The following KAZALD1 variants were observed in gnomAD, a reference collection of about 807,000 sequenced individuals.
KAZALD1 encodes Kazal type serine peptidase inhibitor domain 1.
Under a neutral mutation model 27.7 loss-of-function variants are expected in KAZALD1, and 31 were observed. That is an observed-to-expected ratio of 1.12 (90% CI 0.84 to 1.51). The LOEUF is 1.51. Ranked by LOEUF, KAZALD1 falls within the 40% of genes most tolerant of loss-of-function variation. KAZALD1 has a pLI of 0.00. For missense variants in KAZALD1, 444 were observed against 408.9 expected, an observed-to-expected ratio of 1.09 and a Z score of -0.74; for synonymous variants, 179 against 182.0, an observed-to-expected ratio of 0.98 and a Z score of 0.13.
rs752131273 is a variant in KAZALD1, at chr10:101,064,638, G to A, written c.810G>A (p.Val270=). 1.9e-6 allele frequency: 3 copies of A among 1,613,506 alleles called. No individual in the cohort carries two copies. The highest frequency in any genetic ancestry group is 2.5e-6 in the Non-Finnish European group (3 of 1,180,052). ...TGGAGGCCCCTGCTAGCTTGACAGT[G>A]CTCACACCTGGTAAGGGGATTCCTG... The part of the protein sequence containing the change: ...GQVEAPASLT[V]LTPDQLNSTG... Residue 270 remains valine, a synonymous_variant, in exon 4 of 5, where the codon GTG becomes GTA. Coordinates refer to ENST00000370200, the MANE Select transcript of KAZALD1 (RefSeq NM_030929.5).
chr10:101,063,075 T>C lies in KAZALD1; in HGVS notation c.483T>C (p.Thr161=). The change falls in exon 2 of 5, where the codon ACT becomes ACC. Residue 161 remains threonine, a synonymous_variant. Coordinates refer to ENST00000370200, the MANE Select transcript of KAZALD1 (RefSeq NM_030929.5). ...GCGCTCGGCCCGATGCCAACCTCAC[T>C]GTGGCACACCCGGGGCCCTGCGAAT... ...AARARPDANL[T]VAHPGPCESG... is the part of the protein sequence containing the mutation. 6.4e-7 allele frequency: 1 copy of C among 1,570,876 alleles called. No homozygotes were observed. Among genetic ancestry groups the C allele is most frequent in the Non-Finnish European group, 8.6e-7 (1 of 1,160,772 alleles).
rs369377387 is a variant in KAZALD1, at chr10:101,064,257, C to T, written c.512-4C>T. On this transcript the variant is annotated splice_region_variant and splice_polypyrimidine_tract_variant and intron_variant, in intron 2 of 4. Coordinates refer to ENST00000370200, the MANE Select transcript of KAZALD1 (RefSeq NM_030929.5). ...ATTCTCAGACCTCCCGCCTTCACCC[C>T]CAGGGCCCCAGATCGTGTCACATCC... 11 of 1,614,002 alleles carry T rather than the reference C, an allele frequency of 6.8e-6. No individual in the cohort carries two copies. The highest frequency in any genetic ancestry group is 1.1e-5 in the South Asian group (1 of 91,082).
chr10:101,062,798 C>T lies in KAZALD1; in HGVS notation c.206C>T (p.Ala69Val). The T allele has an allele frequency of 6.4e-7, 1 of 1,573,090 alleles. No individual in the cohort carries two copies. The highest frequency in any genetic ancestry group is 1.1e-5 in the South Asian group (1 of 87,680). The change falls in exon 2 of 5, where the codon GCG (alanine) becomes GTG (valine). Residue 69 changes from alanine to valine, a missense_variant. Physicochemically the swap from Ala to Val is moderately conservative, Grantham distance 64. Transcript: ENST00000370200. ...EECAAPRGCLAGRVRDACGCC... is the reference protein window; with the variant it reads ...EECAAPRGCLVGRVRDACGCC... ...TGCGCCGCGCCGCGGGGCTGCCTGGCGGGCAGGGTGCGCGACGCGTGCGGC... is the reference window on the plus strand; with the variant it reads ...TGCGCCGCGCCGCGGGGCTGCCTGGTGGGCAGGGTGCGCGACGCGTGCGGC...
chr10:101,066,381 G>A lies in KAZALD1; in HGVS notation c.*1461G>A, dbSNP rs756597269. ...GCTTGGCCGCCCCTCCCGCGGCTAC[G>A]CACTACTCCATCTACTGCTGGCTTG... On this transcript the variant is annotated 3_prime_UTR_variant, in exon 5 of 5. Coordinates refer to ENST00000370200, the MANE Select transcript of KAZALD1 (RefSeq NM_030929.5). 5 of 456,534 alleles carry A rather than the reference G, an allele frequency of 1.1e-5. No homozygotes were observed. Among genetic ancestry groups the A allele is most frequent in the South Asian group, 7.7e-5 (5 of 64,540 alleles). The allele number at this position is 456,534 out of a possible 1,614,324, so 28.3% of individuals were successfully genotyped here. A position where few individuals can be genotyped will look rare whatever the true frequency, so the allele number is the denominator to read the frequency against.
At chr10:101,063,249 G>A (rs1413293777) in intron 2 of KAZALD1, 146 bp downstream of exon 2, 5 of 672,254 alleles carry the variant, frequency 7.4e-6, no homozygotes, top group South Asian at 2.6e-5. Context: ...CCCTGCTCTC[G>A]CTACTGGTTC....
chr10:101,064,359 G>A lies in KAZALD1; in HGVS notation c.610G>A (p.Glu204Lys), dbSNP rs780808613. 9 of 1,614,170 alleles carry A rather than the reference G, an allele frequency of 5.6e-6. No individual in the cohort carries two copies. The highest frequency in any genetic ancestry group is 1.1e-5 in the South Asian group (1 of 91,086). Residue 204 changes from glutamate (E) to lysine (K), a missense_variant, in exon 3 of 5, where the codon GAG (glutamate) becomes AAG (lysine). Glu to Lys is a moderately conservative substitution (Grantham distance 56). Coordinates refer to ENST00000370200, the MANE Select transcript of KAZALD1 (RefSeq NM_030929.5). ...EVFAYPMASIEWRKDGLDIQL... is the reference protein window; with the variant it reads ...EVFAYPMASIKWRKDGLDIQL... ...GTTTGCCTACCCCATGGCCTCCATC[G>A]AGTGGAGGAAGGATGGCTTGGACAT...
In KAZALD1 at chr10:101,062,756, C is replaced by T. The variant is rs898863410; in HGVS notation, c.164C>T (p.Pro55Leu). 6.5e-6 allele frequency: 10 copies of T among 1,547,630 alleles called. No homozygotes were observed. The African/African-American group carries it at 1.3e-4, about 20-fold the overall frequency. Residue 55 changes from proline to leucine, a missense_variant, in exon 2 of 5, where the codon CCC (proline) becomes CTC (leucine). By Grantham distance (98) the Pro-to-Leu change is moderately conservative. Transcript: ENST00000370200. ...RLLAEGEGCA[P>L]CRPEECAAPR... ...CTAGCGGAGGGCGAGGGCTGCGCTCCCTGCCGGCCAGAAGAGTGCGCCGCG... is the reference window on the plus strand; with the variant it reads ...CTAGCGGAGGGCGAGGGCTGCGCTCTCTGCCGGCCAGAAGAGTGCGCCGCG...
chr10:101,068,029 G>A (rs1188889321), downstream of KAZALD1: 6 of 471,836 alleles, frequency 1.3e-5, no homozygotes, highest in South Asian at 9.3e-5. Context: ...GCGAAGGAGT[G>A]CCATCTGGTG....
At position 101,064,391 on chromosome 10, in the gene KAZALD1, G is replaced by T. The variant is rs774989831; in HGVS notation, c.642G>T (p.Leu214=). The T allele has an allele frequency of 3.1e-6, 5 of 1,614,074 alleles. No individual in the cohort carries two copies. In the East Asian group the frequency reaches 1.1e-4, roughly 36 times the overall value. ...GGAAGGATGGCTTGGACATCCAGCTGCCAGGGGATGACCCCCACATCTCTG... is the reference window on the plus strand; with the variant it reads ...GGAAGGATGGCTTGGACATCCAGCTTCCAGGGGATGACCCCCACATCTCTG... ...EWRKDGLDIQ[L]PGDDPHISVQ... Residue 214 remains leucine (L), a synonymous_variant, in exon 3 of 5, where the codon CTG becomes CTT. Coordinates refer to ENST00000370200, the MANE Select transcript of KAZALD1 (RefSeq NM_030929.5).
In KAZALD1 at chr10:101,063,096, C is replaced by T; in HGVS notation, c.504C>T (p.Cys168=). ...TCACTGTGGCACACCCGGGGCCCTG[C>T]GAATCGGGTACGCATGGCCCGGGGC... The part of the protein sequence containing the change: ...ANLTVAHPGP[C]ESGPQIVSHP... Residue 168 remains cysteine, a synonymous_variant, in exon 2 of 5, where the codon TGC becomes TGT. Coordinates refer to ENST00000370200, the MANE Select transcript of KAZALD1 (RefSeq NM_030929.5). The T allele has an allele frequency of 6.5e-7, 1 of 1,548,758 alleles. No homozygotes were observed. The highest frequency in any genetic ancestry group is 8.7e-7 in the Non-Finnish European group (1 of 1,149,938).
downstream of KAZALD1, chr10:101,067,686 G>A: frequency 2.9e-6 from 1 of 347,266 alleles, no homozygotes; most frequent in South Asian, 2.2e-5. Flanking sequence ...TTGCGCAGCC[G>A]TGCTGGTATA....
intron 2 of KAZALD1, among the ~76,000 whole-genome samples, chr10:101,064,024 ATGTGCACATG>A (rs1939244043): frequency 6.6e-6 from 1 of 152,136 alleles, no homozygotes; most frequent in South Asian, 2.1e-4. Context: ...ATGAGGTTCT[ATGTGCACATG>A]TGCATGTATA....
rs1564656264 is a variant in KAZALD1 at position 101,062,802 on chromosome 10, C to G, written c.210C>G (p.Gly70=). Residue 70 remains glycine (G), a synonymous_variant, in exon 2 of 5, where the codon GGC becomes GGG. Coordinates refer to ENST00000370200, the MANE Select transcript of KAZALD1 (RefSeq NM_030929.5). ...ECAAPRGCLA[G]RVRDACGCCW... ...CCGCGCCGCGGGGCTGCCTGGCGGG[C>G]AGGGTGCGCGACGCGTGCGGCTGCT... 6.3e-7 allele frequency: 1 copy of G among 1,576,430 alleles called. No individual in the cohort carries two copies. Among genetic ancestry groups the G allele is most frequent in the African/African-American group, 1.4e-5 (1 of 72,732 alleles).
chr10:101,067,740 A>C, downstream of KAZALD1: 1 of 360,000 alleles, frequency 2.8e-6, no homozygotes, highest in South Asian at 2.2e-5. Flanking sequence ...CGCCCTGGTG[A>C]CCGGGGGGGT....
downstream of KAZALD1, chr10:101,067,332 T>C (rs1939350208): frequency 2.2e-6 from 1 of 456,444 alleles, no homozygotes; most frequent in Non-Finnish European, 4.4e-6. Flanking sequence ...AGTCGCACCC[T>C]ACATTTCCCA....
At chr10:101,064,674 G>GT (rs1210439880) in intron 4 of KAZALD1, 26 bp downstream of exon 4, 11 of 1,612,774 alleles carry the variant, frequency 6.8e-6, no homozygotes, top group Non-Finnish European at 9.3e-6. Context: ...AGTTCTGGGG[G>GT]TTGGGGGGAT....
At position 101,065,723 on chromosome 10, in the gene KAZALD1, T is replaced by G. The variant is rs569936350; in HGVS notation, c.*803T>G. The G allele has an allele frequency of 6.6e-6, 1 of 152,326 alleles. No individual in the cohort carries two copies. Among genetic ancestry groups the G allele is most frequent in the South Asian group, 2.1e-4 (1 of 4,830 alleles). The allele number at this position is 152,326 out of a possible 1,614,324, so 9.4% of individuals were successfully genotyped here. ...GCCTGCCAGATGTACAAAGAGAAAG[T>G]TTGAACTTGGGCCTATCCCGCCTTT... On this transcript the variant is annotated 3_prime_UTR_variant, in exon 5 of 5. Transcript: ENST00000370200.
At chr10:101,067,427 A>G, downstream of KAZALD1, 1 of 411,164 alleles carries the variant, frequency 2.4e-6, no homozygotes. Context: ...GAGTCCGGAC[A>G]AACCGGGGCA....
At position 101,064,354 on chromosome 10, in the gene KAZALD1, C is replaced by T; in HGVS notation, c.605C>T (p.Ser202Phe). Residue 202 changes from serine to phenylalanine, a missense_variant, in exon 3 of 5, where the codon TCC becomes TTC. Transcript: ENST00000370200. ...GAAGTGTTTGCCTACCCCATGGCCTCCATCGAGTGGAGGAAGGATGGCTTG... is the reference window on the plus strand; with the variant it reads ...GAAGTGTTTGCCTACCCCATGGCCTTCATCGAGTGGAGGAAGGATGGCTTG... Reference protein sequence around the residue: ...GCEVFAYPMASIEWRKDGLDI... With the variant: ...GCEVFAYPMAFIEWRKDGLDI... 1.2e-6 allele frequency: 2 copies of T among 1,614,162 alleles called. No homozygotes were observed. Among genetic ancestry groups the T allele is most frequent in the Non-Finnish European group, 1.7e-6 (2 of 1,180,018 alleles).
Sources: gnomAD v4.1 joint callset for allele counts (sites outside exome capture counted in the v4.1 genomes callset) on GRCh38, gnomAD v4.1.1 for gene constraint, MANE v1.5 for transcripts, NCBI Gene and HGNC (gene_info 2026-07-23, HGNC 2026-07-21) for gene names.